STPG2: variants seen among roughly 807,000 people sequenced by gnomAD.
STPG2 encodes sperm-tail PG-rich repeat-containing protein 2.
In STPG2, 56 loss-of-function variants were observed where a neutral mutation model predicts 54.2. The ratio of observed to expected loss-of-function variants is 1.03; its 90% CI spans 0.83 to 1.29. The LOEUF is 1.29. Among genes scored for constraint, STPG2 ranks in the 50% most tolerant of loss-of-function variants. The pLI is 0.00. For missense variants in STPG2, 596 were observed against 544.9 expected, an observed-to-expected ratio of 1.09 and a Z score of -0.93; for synonymous variants, 200 against 181.8, an observed-to-expected ratio of 1.10 and a Z score of -0.81.
chr4:97,554,397 G>C (rs1232645988), downstream of STPG2, among the ~76,000 whole-genome samples: 1 of 152,152 alleles, frequency 6.6e-6, no homozygotes, highest in Non-Finnish European at 1.5e-5. Context: ...AGAGAGGCTG[G>C]AAAATAGGAT....
In STPG2 at chr4:97,571,578, T is replaced by C. The variant is rs1028512080; in HGVS notation, c.1321-12461A>G. On this transcript the variant is annotated intron_variant, in intron 10 of 10. Coordinates refer to ENST00000295268, the MANE Select transcript of STPG2 (RefSeq NM_174952.3). ...GACATTCCCTTCTATTGATCCCAGG[T>C]CTTTGGATAAACTCAACCAATTGTC... 2.0e-5 allele frequency among the ~76,000 whole-genome samples: 3 copies of C among 152,142 alleles called. No homozygotes were observed. In the South Asian group the frequency reaches 6.2e-4, roughly 31 times the overall value.
At chr4:97,926,539 T>C (rs866740849) in intron 8 of STPG2, among the ~76,000 whole-genome samples, 4 of 152,274 alleles carry the variant, frequency 2.6e-5, no homozygotes, top group East Asian at 3.9e-4. Flanking sequence ...TATAAAGTCA[T>C]GGCTCCCCAC....
At chr4:97,685,200 C>CA (rs1181501529) in intron 10 of STPG2, among the ~76,000 whole-genome samples, 1 of 151,898 alleles carries the variant, frequency 6.6e-6, no homozygotes, top group Non-Finnish European at 1.5e-5. Flanking sequence ...TCATATGATG[C>CA]AAAAATCACA....
At chr4:97,942,379 G>C (rs1346102084) in intron 8 of STPG2, among the ~76,000 whole-genome samples, 6 of 151,928 alleles carry the variant, frequency 3.9e-5, no homozygotes, top group Non-Finnish European at 7.4e-5. Flanking sequence ...GAAAAATACA[G>C]TTGAACTCTA....
intron 4 of STPG2, among the ~76,000 whole-genome samples, chr4:97,462,073 T>A (rs1729678102): frequency 6.6e-6 from 1 of 152,100 alleles, no homozygotes; most frequent in Non-Finnish European, 1.5e-5. Flanking sequence ...AATCTTGATT[T>A]TTTTTTCATT....
chr4:97,742,519 CTGTGTGTGTGTG>C (rs150619013), intron 9 of STPG2, among the ~76,000 whole-genome samples: 46 of 125,080 alleles, frequency 3.7e-4, no homozygotes, highest in African/African-American at 5.9e-4. Context: ...AATGAATAAA[CTGTGTGTGTGTG>C]TGTGTGTGTG....
rs568640486 is a variant in STPG2, at chr4:97,881,695, C to A, written c.1045-40763G>T. 3.9e-3 allele frequency among the ~76,000 whole-genome samples: 588 copies of A among 152,198 alleles called. 4 individuals are homozygous for A. The highest frequency in any genetic ancestry group is 6.7e-3 in the Non-Finnish European group (459 of 68,002). ...GACTAAAATATTTCCTACTTAAGTGCACTTTAAAATGCTACATCATAAAAA... is the reference window on the plus strand; with the variant it reads ...GACTAAAATATTTCCTACTTAAGTGAACTTTAAAATGCTACATCATAAAAA... On this transcript the variant is annotated intron_variant, in intron 8 of 10. Transcript: ENST00000295268.
intron 4 of STPG2, among the ~76,000 whole-genome samples, chr4:97,516,516 A>C (rs1731078843): frequency 6.6e-6 from 1 of 152,104 alleles, no homozygotes. Flanking sequence ...GACACTTATA[A>C]GAAATTATTT....
intron 10 of STPG2, among the ~76,000 whole-genome samples, chr4:97,698,565 G>T (rs1464839333): frequency 6.6e-6 from 1 of 152,100 alleles, no homozygotes; most frequent in Non-Finnish European, 1.5e-5. Context: ...GTAATGTCGT[G>T]AGAACAGGAA....
At chr4:97,684,401 C>T (rs934293953) in intron 10 of STPG2, among the ~76,000 whole-genome samples, 1 of 151,840 alleles carries the variant, frequency 6.6e-6, no homozygotes, top group African/African-American at 2.4e-5. Flanking sequence ...ATTAATGGAA[C>T]AGAATAGGGA....
chr4:97,711,060 G>GA (rs1724099800), intron 10 of STPG2, among the ~76,000 whole-genome samples: 1 of 151,708 alleles, frequency 6.6e-6, no homozygotes, highest in African/African-American at 2.4e-5. Flanking sequence ...GAAAAAGCAA[G>GA]AATATCTTAA....
intron 7 of STPG2, among the ~76,000 whole-genome samples, chr4:97,947,128 A>G (rs896031662): frequency 6.6e-6 from 1 of 151,744 alleles, no homozygotes; most frequent in Non-Finnish European, 1.5e-5. Flanking sequence ...ATATTCCAGG[A>G]TATTTTATCT....
At chr4:97,770,585 A>C (rs530910402) in intron 9 of STPG2, among the ~76,000 whole-genome samples, 55 of 152,354 alleles carry the variant, frequency 3.6e-4, no homozygotes, top group South Asian at 8.3e-4. Flanking sequence ...AATGAACTGT[A>C]GAAGCAAGGG....
intron 9 of STPG2, among the ~76,000 whole-genome samples, chr4:97,827,380 C>T (rs542487307): frequency 2.0e-5 from 3 of 151,920 alleles, no homozygotes; most frequent in East Asian, 2.0e-4. Flanking sequence ...GGACTACAGG[C>T]GCCCACCACC....
intron 10 of STPG2, among the ~76,000 whole-genome samples, chr4:97,654,611 T>G (rs1159455404): frequency 6.6e-6 from 1 of 152,126 alleles, no homozygotes; most frequent in Non-Finnish European, 1.5e-5. Context: ...TTTTGTTTAT[T>G]ATTAGTTATC....
At chr4:97,696,038 A>G (rs1723561302) in intron 10 of STPG2, among the ~76,000 whole-genome samples, 1 of 152,172 alleles carries the variant, frequency 6.6e-6, no homozygotes, top group Non-Finnish European at 1.5e-5. Context: ...TGAAACCAAA[A>G]AAAGAGCCCA....
intron 5 of STPG2, among the ~76,000 whole-genome samples, chr4:98,000,118 C>A (rs1735369943): frequency 6.6e-6 from 1 of 152,062 alleles, no homozygotes; most frequent in Non-Finnish European, 1.5e-5. Flanking sequence ...ATCTTGATAT[C>A]ATTTACTATA....
At chr4:98,010,688 G>C (rs1457606644) in intron 5 of STPG2, among the ~76,000 whole-genome samples, 1 of 151,858 alleles carries the variant, frequency 6.6e-6, no homozygotes, top group Non-Finnish European at 1.5e-5. Flanking sequence ...ATTTTTTTCT[G>C]GTTGTTTTGT....
chr4:97,994,523 T>A (rs1449423778), intron 5 of STPG2, among the ~76,000 whole-genome samples: 1 of 152,120 alleles, frequency 6.6e-6, no homozygotes, highest in Admixed American at 6.5e-5. Flanking sequence ...GCCTCCCCTA[T>A]CCCCTAGGGA....
Sources: allele counts gnomAD v4.1 joint callset (sites outside exome capture counted in the v4.1 genomes callset), GRCh38; gene constraint gnomAD v4.1.1; transcripts MANE v1.5; gene names NCBI Gene and HGNC (gene_info 2026-07-23, HGNC 2026-07-21).